POLR2B: variants seen among roughly 807,000 people sequenced by gnomAD.
POLR2B encodes RNA polymerase II subunit B.
In POLR2B, 57 loss-of-function variants were observed where a neutral mutation model predicts 144.6. The ratio of observed to expected loss-of-function variants is 0.39; its 90% CI spans 0.32 to 0.49. The LOEUF (loss-of-function observed/expected upper bound fraction) is 0.49. POLR2B is among the 20% of genes least tolerant of loss of function. The pLI is 0.83. For missense variants in POLR2B, 595 were observed against 1,467.4 expected (o/e 0.41, Z 9.71); for synonymous variants, 442 against 469.8 (o/e 0.94, Z 0.77).
chr4:57,019,979 A>G (rs1268912978), intron 16 of POLR2B, among the ~76,000 whole-genome samples: 2 of 152,040 alleles, frequency 1.3e-5, no homozygotes, highest in African/African-American at 4.8e-5. Flanking sequence ...TTGTGTCTCA[A>G]TTTAGGTTTG....
At position 57,024,109 on chromosome 4, in the gene POLR2B, G is replaced by A. The variant is rs768150641; in HGVS notation, c.2961G>A (p.Gly987=). ...TIGHLIECLQ[G]KVSANKGEIG... ...GTCACTTAATTGAATGCCTTCAAGGGAAGGTAAGAGATGTTCTTCAAAAAT... is the reference window on the plus strand; with the variant it reads ...GTCACTTAATTGAATGCCTTCAAGGAAAGGTAAGAGATGTTCTTCAAAAAT... The change falls in exon 21 of 25, where the codon GGG becomes GGA. Residue 987 remains glycine (G), a synonymous_variant. Coordinates refer to ENST00000314595, the MANE Select transcript of POLR2B (RefSeq NM_000938.3). 50 of 1,480,752 alleles carry A rather than the reference G, an allele frequency of 3.4e-5. No individual in the cohort carries two copies. The highest frequency in any genetic ancestry group is 4.4e-5 in the Non-Finnish European group (47 of 1,066,688). 91.7% of individuals were successfully genotyped at this position (1,480,752 alleles called of 1,614,324 possible). A position where few individuals can be genotyped will look rare whatever the true frequency, so the allele number is the denominator to read the frequency against.
chr4:57,027,162 C>A (rs1723750635), intron 23 of POLR2B, among the ~76,000 whole-genome samples: 1 of 152,080 alleles, frequency 6.6e-6, no homozygotes, highest in Non-Finnish European at 1.5e-5. Flanking sequence ...GTGTGCGCCA[C>A]CAAGCCCAGC....
At chr4:56,996,262 G>GTGTGTGTATACA (rs1553910008) in intron 6 of POLR2B, among the ~76,000 whole-genome samples, 1 of 88,894 alleles carries the variant, frequency 1.1e-5, no homozygotes, top group African/African-American at 4.8e-5. Flanking sequence ...GTGTGTGTGT[G>GTGTGTGTATACA]TATATATATA....
chr4:56,987,755 A>T (rs1391410370), intron 2 of POLR2B, among the ~76,000 whole-genome samples: 1 of 151,984 alleles, frequency 6.6e-6, no homozygotes, highest in African/African-American at 2.4e-5. Context: ...GGTGGCGCAC[A>T]CCTGTAATCC....
intron 6 of POLR2B, among the ~76,000 whole-genome samples, chr4:56,997,540 C>T (rs933571466): frequency 6.6e-6 from 1 of 152,076 alleles, no homozygotes; most frequent in Non-Finnish European, 1.5e-5. Context: ...GAGCCACCGC[C>T]CCTGACCAGT....
At chr4:57,005,810 C>T in intron 9 of POLR2B, 91 bp downstream of exon 9, 1 of 1,164,222 alleles carries the variant, frequency 8.6e-7, no homozygotes, top group Non-Finnish European at 1.2e-6. Flanking sequence ...ACTGTGTTGG[C>T]ATCCACGTTG....
chr4:57,000,429 C>G (rs949142574), intron 7 of POLR2B, among the ~76,000 whole-genome samples: 1 of 152,120 alleles, frequency 6.6e-6, no homozygotes, highest in Non-Finnish European at 1.5e-5. Context: ...GACCTTGTCT[C>G]AAAATAAGAA....
chr4:57,017,070 A>G lies in POLR2B; in HGVS notation c.1983A>G (p.Val661=). The G allele has an allele frequency of 6.2e-7, 1 of 1,608,442 alleles. No homozygotes were observed. The highest frequency in any genetic ancestry group is 8.5e-7 in the Non-Finnish European group (1 of 1,177,514). The part of the protein sequence containing the change: ...YSWQDLVASG[V]VEYIDTLEEE... ...GGCAGGATCTTGTGGCCAGTGGGGTAGTGGAGTATATTGATACCCTGGAAG... is the reference window on the plus strand; with the variant it reads ...GGCAGGATCTTGTGGCCAGTGGGGTGGTGGAGTATATTGATACCCTGGAAG... Residue 661 remains valine, a synonymous_variant, in exon 15 of 25, where the codon GTA becomes GTG. Transcript: ENST00000314595. This position sits in a 1 kb window ranked among gnomAD's most constrained non-coding sequence, Gnocchi z 4.8.
In POLR2B at chr4:57,015,524, G is replaced by A. The variant is rs1723337318; in HGVS notation, c.1823G>A (p.Arg608Gln). 7.1e-7 allele frequency: 1 copy of A among 1,406,984 alleles called. No individual in the cohort carries two copies. The highest frequency in any genetic ancestry group is 9.4e-7 in the Non-Finnish European group (1 of 1,062,006). The allele number at this position is 1,406,984 out of a possible 1,614,324, so 87.2% of individuals were successfully genotyped here. Residue 608 changes from arginine (R) to glutamine (Q), a missense_variant, in exon 14 of 25, where the codon CGA becomes CAA. Transcript: ENST00000314595. ...VSEVSMIRDI[R>Q]EREIRIYTDA... Reference sequence around the variant, plus strand: ...TAGGTTTCTATGATCAGAGATATTCGAGAGAGGGAGATTCGGATCTATACG... The same window carrying A: ...TAGGTTTCTATGATCAGAGATATTCAAGAGAGGGAGATTCGGATCTATACG...
At chr4:57,020,114 A>G (rs758359038) in intron 16 of POLR2B, among the ~76,000 whole-genome samples, 1 of 152,062 alleles carries the variant, frequency 6.6e-6, no homozygotes, top group Non-Finnish European at 1.5e-5. Flanking sequence ...GTTCGCTGCA[A>G]CCTCTGCCTC....
At chr4:57,016,189 C>T (rs182060041) in intron 14 of POLR2B, among the ~76,000 whole-genome samples, 1 of 152,298 alleles carries the variant, frequency 6.6e-6, no homozygotes, top group African/African-American at 2.4e-5. Flanking sequence ...TTAGGAGTCA[C>T]ATTTGTTTTT....
At chr4:56,990,173 A>G (rs73242625) in intron 2 of POLR2B, among the ~76,000 whole-genome samples, 11,643 of 151,866 alleles carry the variant, frequency 0.077, 506 homozygotes, top group African/African-American at 0.094. Context: ...CTCCTGACAT[A>G]TTTGTCAAGA....
At chr4:57,005,761 A>G in intron 9 of POLR2B, 42 bp downstream of exon 9, 2 of 1,588,230 alleles carry the variant, frequency 1.3e-6, no homozygotes, top group African/African-American at 1.3e-5. Flanking sequence ...AGGGAGATTT[A>G]TTTCACTTTA....
At position 57,023,441 on chromosome 4, in the gene POLR2B, A is replaced by G. The variant is rs372510748; in HGVS notation, c.2627A>G (p.Asn876Ser). ...IIGKTVTLPE[N>S]EDELESTNRR... ...GGCAAAACAGTCACCTTGCCTGAAAATGAAGATGAATTGGAGAGCACCAAT... is the reference window on the plus strand; with the variant it reads ...GGCAAAACAGTCACCTTGCCTGAAAGTGAAGATGAATTGGAGAGCACCAAT... The change falls in exon 19 of 25, where the codon AAT (asparagine) becomes AGT (serine). Residue 876 changes from asparagine (N) to serine (S), a missense_variant. Physicochemically the swap from Asn to Ser is conservative, Grantham distance 46 (BLOSUM62 1). Transcript: ENST00000314595. This position sits in a 1 kb window ranked among gnomAD's most constrained non-coding sequence, Gnocchi z 4.3. 20 of 1,614,122 alleles carry G rather than the reference A, an allele frequency of 1.2e-5. No individual in the cohort carries two copies. The highest frequency in any genetic ancestry group is 6.7e-5 in the Admixed American group (4 of 60,014).
chr4:56,982,754 G>C (rs1722195616), intron 1 of POLR2B, among the ~76,000 whole-genome samples: 2 of 152,058 alleles, frequency 1.3e-5, no homozygotes, highest in African/African-American at 4.8e-5. Context: ...TGTGTGCCTA[G>C]GGTATATAAC....
intron 13 of POLR2B, 75 bp from the exon 14 acceptor site, chr4:57,015,427 A>G: frequency 1.4e-6 from 1 of 730,468 alleles, no homozygotes; most frequent in Non-Finnish European, 2.0e-6. Flanking sequence ...TAGGATTTGT[A>G]TTGTATTTTT....
intron 7 of POLR2B, among the ~76,000 whole-genome samples, chr4:57,003,100 A>T (rs1722903961): frequency 6.6e-6 from 1 of 152,246 alleles, no homozygotes; most frequent in Non-Finnish European, 1.5e-5. Flanking sequence ...AGATAGTGGC[A>T]GGAATGGGAG....
intron 23 of POLR2B, among the ~76,000 whole-genome samples, chr4:57,027,339 T>A (rs1441857099): frequency 2.0e-5 from 3 of 151,546 alleles, no homozygotes; most frequent in African/African-American, 4.9e-5. Flanking sequence ...GACAGTTTCA[T>A]CCCTGTTGCC....
At chr4:57,018,084 G>A (rs978500592) in intron 16 of POLR2B, among the ~76,000 whole-genome samples, 3 of 152,130 alleles carry the variant, frequency 2.0e-5, no homozygotes, top group African/African-American at 4.8e-5. Flanking sequence ...CAAAATGTAC[G>A]GTACAGTTAG....
Sources: gnomAD v4.1 joint callset for allele counts (sites outside exome capture counted in the v4.1 genomes callset) on GRCh38, gnomAD v4.1.1 for gene constraint, Gnocchi (gnomAD v3.1) non-coding constraint, MANE v1.5 for transcripts, NCBI Gene and HGNC (gene_info 2026-07-23, HGNC 2026-07-21) for gene names.